The following DTWD2 variants were observed in gnomAD, a reference collection of about 807,000 sequenced individuals.
DTWD2 encodes tRNA-uridine aminocarboxypropyltransferase 2.
Under a neutral mutation model 31.8 loss-of-function variants are expected in DTWD2, and 39 were observed. That is an observed-to-expected ratio of 1.22 (90% CI 0.95 to 1.60). The LOEUF (loss-of-function observed/expected upper bound fraction) is 1.60. Among genes scored for constraint, DTWD2 ranks in the 40% most tolerant of loss-of-function variants. The pLI is 0.00. For missense variants in DTWD2, 515 were observed against 381.5 expected, an observed-to-expected ratio of 1.35 and a Z score of -2.92; for synonymous variants, 180 against 142.8, an observed-to-expected ratio of 1.26 and a Z score of -1.86.
At chr5:118,930,090 A>G (rs764562626) in intron 3 of DTWD2, among the ~76,000 whole-genome samples, 2 of 152,178 alleles carry the variant, frequency 1.3e-5, no homozygotes, top group Non-Finnish European at 2.9e-5. Context: ...CTTATATTTC[A>G]TAAGACTCCC....
intron 3 of DTWD2, among the ~76,000 whole-genome samples, chr5:118,935,706 C>T (rs984807253): frequency 6.6e-6 from 1 of 152,106 alleles, no homozygotes; most frequent in African/African-American, 2.4e-5. Flanking sequence ...ATACGAAATA[C>T]ATATTCACCT....
chr5:118,960,704 A>G (rs922754289), intron 1 of DTWD2, among the ~76,000 whole-genome samples: 1 of 152,202 alleles, frequency 6.6e-6, no homozygotes, highest in African/African-American at 2.4e-5. Context: ...TAGACTGGAT[A>G]AAGAAAATGT....
rs1470865167 is a variant in DTWD2 at position 118,892,345 on chromosome 5, C to T, written c.597+36192G>A. Among the ~76,000 whole-genome samples, 3 of 152,088 alleles carry T rather than the reference C, an allele frequency of 2.0e-5. No individual in the cohort carries two copies. The East Asian group carries it at 5.8e-4, about 29-fold the overall frequency. ...CCTTTAATATTCACAAACACATTGA[C>T]AAAATTGGTTCATCTTTTTAAAATC... On this transcript the variant is annotated intron_variant, in intron 4 of 5. Coordinates refer to ENST00000510708, the MANE Select transcript of DTWD2 (RefSeq NM_173666.4).
chr5:118,878,243 ACTAT>A (rs1240968135), intron 4 of DTWD2, among the ~76,000 whole-genome samples: 2 of 152,212 alleles, frequency 1.3e-5, no homozygotes, highest in African/African-American at 4.8e-5. Context: ...GAAGCATCAC[ACTAT>A]CTGACTCTGA....
rs1561448322 is a variant in DTWD2, at chr5:118,901,724, A to ATTATT, written c.597+26808_597+26812dup. 2.6e-5 allele frequency among the ~76,000 whole-genome samples: 4 copies of ATTATT among 152,294 alleles called. No homozygotes were observed. In the East Asian group the frequency reaches 5.8e-4, roughly 22 times the overall value. ...TGTGTCCTAACTATCCATAAAGTAGATTATTTCCTCAGATTATCAAAAGAT... is the reference window on the plus strand; with the variant it reads ...TGTGTCCTAACTATCCATAAAGTAGATTATTTTATTTCCTCAGATTATCAAAAGAT... On this transcript the variant is annotated intron_variant, in intron 4 of 5. Coordinates refer to ENST00000510708, the MANE Select transcript of DTWD2 (RefSeq NM_173666.4).
At chr5:118,852,371 A>G (rs1752030445) in intron 4 of DTWD2, among the ~76,000 whole-genome samples, 1 of 152,212 alleles carries the variant, frequency 6.6e-6, no homozygotes, top group African/African-American at 2.4e-5. Context: ...GATTAAAGTA[A>G]GACAGGTGTA....
In DTWD2 at chr5:118,921,499, A is replaced by C. The variant is rs569521967; in HGVS notation, c.597+7038T>G. ...CACACCCGTGTACTCCAGTCTAGGC[A>C]ACAGAGCAAGACCCCATCTCTTAAA... On this transcript the variant is annotated intron_variant, in intron 4 of 5. Coordinates refer to ENST00000510708, the MANE Select transcript of DTWD2 (RefSeq NM_173666.4). Among the ~76,000 whole-genome samples, 615 of 151,388 alleles carry C rather than the reference A, an allele frequency of 4.1e-3. 8 individuals carry two copies. The highest frequency in any genetic ancestry group is 0.029 in the East Asian group (151 of 5,158).
At chr5:118,916,139 C>T (rs1050187878) in intron 4 of DTWD2, among the ~76,000 whole-genome samples, 3 of 152,154 alleles carry the variant, frequency 2.0e-5, no homozygotes, top group African/African-American at 4.8e-5. Context: ...AATATCTCAA[C>T]GAAGCATTCA....
chr5:118,915,403 C>T (rs1221332139), intron 4 of DTWD2, among the ~76,000 whole-genome samples: 1 of 145,878 alleles, frequency 6.9e-6, no homozygotes, highest in Non-Finnish European at 1.5e-5. Flanking sequence ...CAGACAGAGT[C>T]TCGCTCTGTC....
At chr5:118,957,226 A>T (rs2149591360) in intron 1 of DTWD2, among the ~76,000 whole-genome samples, 2 of 147,774 alleles carry the variant, frequency 1.4e-5, no homozygotes, top group South Asian at 4.3e-4. Flanking sequence ...TACTGTTGTG[A>T]TTTTTTTTTT....
At chr5:118,870,938 T>C (rs149705847) in intron 4 of DTWD2, among the ~76,000 whole-genome samples, 43 of 149,192 alleles carry the variant, frequency 2.9e-4, no homozygotes, top group African/African-American at 9.8e-4. Flanking sequence ...ATAACTTATA[T>C]AATATATAAT....
intron 4 of DTWD2, among the ~76,000 whole-genome samples, chr5:118,909,259 C>T (rs1393605473): frequency 1.3e-5 from 2 of 152,202 alleles, no homozygotes; most frequent in Non-Finnish European, 1.5e-5. Context: ...TAACACCTTT[C>T]AACATGGAGA....
At chr5:118,869,135 G>A (rs1752446156) in intron 4 of DTWD2, among the ~76,000 whole-genome samples, 1 of 152,026 alleles carries the variant, frequency 6.6e-6, no homozygotes, top group Non-Finnish European at 1.5e-5. Flanking sequence ...TGGTGGTGGT[G>A]GTGGTGGTTG....
Position 118,928,719 on chromosome 5 carries a change from G to C in DTWD2, c.415C>G (p.Leu139Val). The change falls in exon 4 of 6, where the codon CTT (leucine) becomes GTT (valine). Residue 139 changes from leucine to valine, a missense_variant. By Grantham distance (32) the Leu-to-Val change is conservative (BLOSUM62 1). Coordinates refer to ENST00000510708, the MANE Select transcript of DTWD2 (RefSeq NM_173666.4). ...RRFSEERDPE[L>V]STVCRKSGTL... ...CCAGACTTCCGGCAAACAGTTGAAA[G>C]TTCAGGATCTCTGAAAAAGTTTTTT... The C allele has an allele frequency of 6.4e-7, 1 of 1,557,444 alleles. No homozygotes were observed. The highest frequency in any genetic ancestry group is 8.6e-7 in the Non-Finnish European group (1 of 1,156,112).
intron 2 of DTWD2, among the ~76,000 whole-genome samples, chr5:118,943,308 T>G (rs1227842905): frequency 6.6e-6 from 1 of 151,974 alleles, no homozygotes; most frequent in Non-Finnish European, 1.5e-5. Context: ...TCCCAGCACT[T>G]TGGGAGACTG....
chr5:118,967,590 C>G (rs1219656779), intron 1 of DTWD2, among the ~76,000 whole-genome samples: 1 of 151,792 alleles, frequency 6.6e-6, no homozygotes, highest in Admixed American at 6.6e-5. Context: ...TCTCAATGAC[C>G]CAGGAGGGAA....
At chr5:118,987,180 C>A (rs1755447353) in intron 1 of DTWD2, among the ~76,000 whole-genome samples, 1 of 152,146 alleles carries the variant, frequency 6.6e-6, no homozygotes, top group South Asian at 2.1e-4. Context: ...CTTCCCCAAC[C>A]CCCTCAGACG....
chr5:118,902,760 A>G (rs946033274), intron 4 of DTWD2, among the ~76,000 whole-genome samples: 2 of 152,096 alleles, frequency 1.3e-5, no homozygotes, highest in Non-Finnish European at 2.9e-5. Context: ...AATTTTTGAG[A>G]TATCTTCTAC....
At chr5:118,914,305 C>G (rs1289343998) in intron 4 of DTWD2, among the ~76,000 whole-genome samples, 2 of 152,120 alleles carry the variant, frequency 1.3e-5, no homozygotes, top group Admixed American at 6.5e-5. Context: ...CTCTTTCTGT[C>G]CTTCCACCTT....
Sources: gnomAD v4.1 joint callset for allele counts (sites outside exome capture counted in the v4.1 genomes callset) on GRCh38, gnomAD v4.1.1 for gene constraint, MANE v1.5 for transcripts, NCBI Gene and HGNC (gene_info 2026-07-23, HGNC 2026-07-21) for gene names.